MARCHF10: variants seen among roughly 807,000 people sequenced by gnomAD.
MARCHF10 encodes probable E3 ubiquitin-protein ligase MARCHF10.
In MARCHF10, 64 loss-of-function variants were observed where a neutral mutation model predicts 76.2. The observed-to-expected ratio is 0.84, with a 90% CI of 0.69 to 1.03. The LOEUF (loss-of-function observed/expected upper bound fraction) is 1.03, where lower values mean the gene tolerates loss of function less well. Among genes scored for constraint, MARCHF10 ranks in the 50% least tolerant of loss-of-function variants. The probability of loss-of-function intolerance (pLI) is 0.00; values close to 1 mark genes in which losing one functional copy is unlikely to be tolerated. For missense variants in MARCHF10, 875 were observed against 958.0 expected (o/e 0.91, Z 1.14); for synonymous variants, 340 against 357.5 (o/e 0.95, Z 0.55).
At position 62,737,222 on chromosome 17, in the gene MARCHF10, C is replaced by T; in HGVS notation, c.646G>A (p.Asp216Asn). The T allele has an allele frequency of 6.2e-7, 1 of 1,614,022 alleles. No homozygotes were observed. Among genetic ancestry groups the T allele is most frequent in the Non-Finnish European group, 8.5e-7 (1 of 1,180,000 alleles). Residue 216 changes from aspartate (D) to asparagine (N), a missense_variant, in exon 6 of 11, where the codon GAT (aspartate) becomes AAT (asparagine). Transcript: ENST00000311269. ...CTCGGGTCTCCTTTTTTGGCTCTAT[C>T]AGGGGCGTTCTCAGTCATTGGCTGT... ...SSQPMTENAP[D>N]RAKKGDPSAP...
chr17:62,794,832 G>T (rs1330603213), intron 2 of MARCHF10, among the ~76,000 whole-genome samples: 1 of 152,088 alleles, frequency 6.6e-6, no homozygotes, highest in Non-Finnish European at 1.5e-5. Flanking sequence ...GTTTCTTTTT[G>T]TTGTTGTTCT....
Position 62,711,344 on chromosome 17 carries a change from C to T in MARCHF10, c.2215G>A (p.Ala739Thr). Reference sequence around the variant, plus strand: ...CCTGAATTCATCAGCTCGTTTTGTGCCTACAAATGGAAAAGAAAGCTCTTC... The same window carrying T: ...CCTGAATTCATCAGCTCGTTTTGTGTCTACAAATGGAAAAGAAAGCTCTTC... The part of the protein sequence containing the change: ...EFYQKHQQSQ[A>T]QNELMNSGLY... Residue 739 changes from alanine (A) to threonine (T), a missense_variant and splice_region_variant, in exon 9 of 11, where the codon GCA (alanine) becomes ACA (threonine). Ala to Thr is a moderately conservative substitution (Grantham distance 58, BLOSUM62 0). Coordinates refer to ENST00000311269, the MANE Select transcript of MARCHF10 (RefSeq NM_152598.4). The surrounding 1 kb of genome is among the most constrained non-coding windows in gnomAD (Gnocchi z 4.4). 6.2e-7 allele frequency: 1 copy of T among 1,613,862 alleles called. No homozygotes were observed. The highest frequency in any genetic ancestry group is 8.5e-7 in the Non-Finnish European group (1 of 1,179,780).
At chr17:62,734,066 C>T (rs1221431517) in intron 6 of MARCHF10, among the ~76,000 whole-genome samples, 1 of 152,008 alleles carries the variant, frequency 6.6e-6, no homozygotes, top group Non-Finnish European at 1.5e-5. Flanking sequence ...GGCCTGTAAT[C>T]CCAGCTACAT....
chr17:62,782,076 A>G (rs998912993), intron 3 of MARCHF10, among the ~76,000 whole-genome samples: 6 of 152,100 alleles, frequency 3.9e-5, no homozygotes, highest in African/African-American at 1.4e-4. Flanking sequence ...ACTGAGCTAT[A>G]TATCATTCTC....
At chr17:62,796,086 C>T (rs2092980815) in intron 2 of MARCHF10, among the ~76,000 whole-genome samples, 1 of 151,774 alleles carries the variant, frequency 6.6e-6, no homozygotes, top group Admixed American at 6.6e-5. Flanking sequence ...CTCACCGCAA[C>T]CTCCGCCTCC....
At chr17:62,702,024 G>A (rs1038211572) in intron 10 of MARCHF10, among the ~76,000 whole-genome samples, 3 of 152,184 alleles carry the variant, frequency 2.0e-5, no homozygotes, top group Admixed American at 6.5e-5. Flanking sequence ...ACATAGCCTG[G>A]TGCAGAACTT....
At position 62,736,609 on chromosome 17, in the gene MARCHF10, A is replaced by T; in HGVS notation, c.1259T>A (p.Val420Glu). The change falls in exon 6 of 11, where the codon GTA becomes GAA. Residue 420 changes from valine to glutamate, a missense_variant. Transcript: ENST00000311269. ...RQEVGVNAEN[V>E]WSDCISVEHR... ...TTCCACAGAAATACAATCACTCCAT[A>T]CATTTTCAGCATTGACACCAACCTC... 1 of 1,614,212 alleles carries T rather than the reference A, an allele frequency of 6.2e-7. No homozygotes were observed. The highest frequency in any genetic ancestry group is 8.5e-7 in the Non-Finnish European group (1 of 1,180,044).
intron 10 of MARCHF10, 134 bp from the exon 11 acceptor site, chr17:62,701,892 TGGAACCGTGTGG>T: frequency 8.8e-7 from 1 of 1,141,070 alleles, no homozygotes; most frequent in Non-Finnish European, 1.3e-6. Context: ...CCACAGTGCC[TGGAACCGTGTGG>T]GGAACAGAGA....
chr17:62,803,417 A>G (rs564741707), intron 1 of MARCHF10, among the ~76,000 whole-genome samples: 1 of 152,182 alleles, frequency 6.6e-6, no homozygotes, highest in Non-Finnish European at 1.5e-5. Context: ...TTTCATAGTA[A>G]TCTAGATGTG....
intron 8 of MARCHF10, among the ~76,000 whole-genome samples, chr17:62,721,869 TG>T (rs1301832621): frequency 4.6e-5 from 7 of 152,188 alleles, no homozygotes; most frequent in African/African-American, 1.7e-4. Flanking sequence ...AAATTACTTC[TG>T]CAAACGTGGG....
At position 62,776,558 on chromosome 17, in the gene MARCHF10, A is replaced by G. The variant is rs552833016; in HGVS notation, c.210+11922T>C. On this transcript the variant is annotated intron_variant, in intron 3 of 10. Transcript: ENST00000311269. Reference sequence around the variant, plus strand: ...AAATTAAGCGCTGCTGGCTTTGCCCAAGATAGCTAGTACTTGTTTGCTGCA... The same window carrying G: ...AAATTAAGCGCTGCTGGCTTTGCCCGAGATAGCTAGTACTTGTTTGCTGCA... Among the ~76,000 whole-genome samples, 51 of 152,356 alleles carry G rather than the reference A, an allele frequency of 3.3e-4. 2 individuals carry two copies. In the South Asian group the frequency reaches 9.9e-3, roughly 30 times the overall value.
chr17:62,704,926 A>C (rs939362263), intron 10 of MARCHF10: 4 of 983,794 alleles, frequency 4.1e-6, no homozygotes, highest in Non-Finnish European at 4.8e-6. Context: ...CTGCTTTATT[A>C]AGCACGTTTT....
Position 62,738,462 on chromosome 17 carries a change from G to T in MARCHF10, c.536-1130C>A, listed in dbSNP as rs1451044979. 6.6e-6 allele frequency among the ~76,000 whole-genome samples: 1 copy of T among 152,070 alleles called. No homozygotes were observed. Among genetic ancestry groups the T allele is most frequent in the Non-Finnish European group, 1.5e-5 (1 of 68,026 alleles). On this transcript the variant is annotated intron_variant, in intron 5 of 10. Coordinates refer to ENST00000311269, the MANE Select transcript of MARCHF10 (RefSeq NM_152598.4). The surrounding 1 kb of genome is among the most constrained non-coding windows in gnomAD (Gnocchi z 4.0). Reference sequence around the variant, plus strand: ...TCCCTCCTGACATCGGCCTCCCCCCGCTTTGTTCTCCTCTCTGCTATTGTG... The same window carrying T: ...TCCCTCCTGACATCGGCCTCCCCCCTCTTTGTTCTCCTCTCTGCTATTGTG...
In MARCHF10 at chr17:62,786,813, T is replaced by C. The variant is rs184264422; in HGVS notation, c.210+1667A>G. 4.1e-4 allele frequency among the ~76,000 whole-genome samples: 63 copies of C among 152,276 alleles called. No homozygotes were observed. The East Asian group carries it at 0.011, about 26-fold the overall frequency. On this transcript the variant is annotated intron_variant, in intron 3 of 10. Coordinates refer to ENST00000311269, the MANE Select transcript of MARCHF10 (RefSeq NM_152598.4). ...ATCCTGCATATCCCAAATGCATGAGTATTGCACATAAAATGGCCGTGACTG... is the reference window on the plus strand; with the variant it reads ...ATCCTGCATATCCCAAATGCATGAGCATTGCACATAAAATGGCCGTGACTG...
chr17:62,753,866 C>T (rs756987837), intron 4 of MARCHF10, among the ~76,000 whole-genome samples: 3 of 152,274 alleles, frequency 2.0e-5, no homozygotes, highest in East Asian at 1.9e-4. Context: ...GTTCTGGTTC[C>T]CCATTACCCG....
At chr17:62,715,626 A>G (rs1177652885) in intron 8 of MARCHF10, among the ~76,000 whole-genome samples, 2 of 152,188 alleles carry the variant, frequency 1.3e-5, no homozygotes, top group African/African-American at 4.8e-5. Flanking sequence ...AGCACTACCG[A>G]AAGAGTCAGG....
At position 62,793,320 on chromosome 17, in the gene MARCHF10, T is replaced by A. The variant is rs1027860339; in HGVS notation, c.91-4721A>T. 6.5e-4 allele frequency among the ~76,000 whole-genome samples: 47 copies of A among 72,170 alleles called. 1 individual carries two copies. The highest frequency in any genetic ancestry group is 2.2e-3 in the East Asian group (5 of 2,288). The allele number at this position is 72,170 out of a possible 152,430, so 47.3% of individuals were successfully genotyped here. On this transcript the variant is annotated intron_variant, in intron 2 of 10. Transcript: ENST00000311269. ...CACCACCTCCATCACCACCACCACCTCCACCACCACCACAAACACCATCAA... is the reference window on the plus strand; with the variant it reads ...CACCACCTCCATCACCACCACCACCACCACCACCACCACAAACACCATCAA...
At chr17:62,765,442 G>A (rs1428531062) in intron 3 of MARCHF10, among the ~76,000 whole-genome samples, 1 of 149,970 alleles carries the variant, frequency 6.7e-6, no homozygotes, top group African/African-American at 2.5e-5. Context: ...GTCTACCATC[G>A]AGTTCCACAG....
intron 6 of MARCHF10, among the ~76,000 whole-genome samples, chr17:62,733,819 C>G (rs2091140537): frequency 6.6e-6 from 1 of 152,172 alleles, no homozygotes; most frequent in Non-Finnish European, 1.5e-5. Flanking sequence ...AAGCAAGTCA[C>G]AGAAGACTAG....
Sources: allele counts gnomAD v4.1 joint callset (sites outside exome capture counted in the v4.1 genomes callset), GRCh38; gene constraint gnomAD v4.1.1; non-coding constraint Gnocchi (gnomAD v3.1); transcripts MANE v1.5; gene names NCBI Gene and HGNC (gene_info 2026-07-23, HGNC 2026-07-21).